CRAMP1: variants seen among roughly 807,000 people sequenced by gnomAD.
The protein encoded by CRAMP1 is protein cramped-like.
CRAMP1 carries 50 observed loss-of-function variants against 115.4 expected under a neutral mutation model. That is an observed-to-expected ratio of 0.43 (90% CI 0.35 to 0.55). The LOEUF (loss-of-function observed/expected upper bound fraction) is 0.55, where lower values mean the gene tolerates loss of function less well. Ranked by LOEUF, CRAMP1 falls within the 20% of genes least tolerant of loss-of-function variation. The pLI, the probability that CRAMP1 is intolerant of heterozygous loss-of-function variation, is 0.01. For missense variants in CRAMP1, 1,679 were observed against 1,721.7 expected (o/e 0.98, Z 0.44); for synonymous variants, 866 against 745.4 (o/e 1.16, Z -2.64).
At chr16:1,654,183 T>A (rs1411713969) in intron 8 of CRAMP1, among the ~76,000 whole-genome samples, 2 of 150,842 alleles carry the variant, frequency 1.3e-5, no homozygotes, top group Admixed American at 1.3e-4. Flanking sequence ...AATTCACATA[T>A]CATAAAATGA....
intron 10 of CRAMP1, among the ~76,000 whole-genome samples, chr16:1,658,379 G>A (rs1042048902): frequency 2.0e-5 from 3 of 152,202 alleles, no homozygotes; most frequent in Non-Finnish European, 2.9e-5. Context: ...GCTCATGGGA[G>A]GGGCTGAGGA....
rs749492493 is a variant in CRAMP1 at position 1,652,480 on chromosome 16, A to C, written c.828-16A>C. On this transcript the variant is annotated splice_polypyrimidine_tract_variant and intron_variant, in intron 6 of 20. Transcript: ENST00000397412. ...CACTCACAGGCCTCAGCGTTCCTTC[A>C]AAACTCTTTTCCCAGGGCCACCACT... 1.9e-6 allele frequency: 3 copies of C among 1,550,650 alleles called. No homozygotes were observed. The highest frequency in any genetic ancestry group is 4.9e-5 in the East Asian group (2 of 40,890).
At chr16:1,619,342 G>A (rs1475505218) in intron 2 of CRAMP1, among the ~76,000 whole-genome samples, 10 of 152,038 alleles carry the variant, frequency 6.6e-5, no homozygotes, top group Non-Finnish European at 1.5e-4. Context: ...TGCTACACCC[G>A]ACTAATTTTT....
chr16:1,634,073 A>G (rs1344309713), intron 4 of CRAMP1, among the ~76,000 whole-genome samples: 2 of 151,730 alleles, frequency 1.3e-5, no homozygotes, highest in African/African-American at 4.8e-5. Context: ...CAGATCTGCC[A>G]TCCACTGTGG....
intron 3 of CRAMP1, among the ~76,000 whole-genome samples, chr16:1,629,362 C>T (rs1276610230): frequency 6.6e-6 from 1 of 152,216 alleles, no homozygotes; most frequent in Non-Finnish European, 1.5e-5. Flanking sequence ...ATCTCTTCAC[C>T]CCAGACAGCT....
intron 3 of CRAMP1, among the ~76,000 whole-genome samples, chr16:1,627,674 TC>T (rs2036518280): frequency 6.6e-6 from 1 of 152,152 alleles, no homozygotes; most frequent in Non-Finnish European, 1.5e-5. Flanking sequence ...ATTCTGATTG[TC>T]CAAAGAGAAG....
In CRAMP1 at chr16:1,656,824, C is replaced by T. The variant is rs140496547; in HGVS notation, c.2067C>T (p.Ala689=). The change falls in exon 10 of 21, where the codon GCC becomes GCT. Residue 689 remains alanine, a synonymous_variant. Coordinates refer to ENST00000397412, the MANE Select transcript of CRAMP1 (RefSeq NM_020825.4). The surrounding 1 kb of genome is among the most constrained non-coding windows in gnomAD (Gnocchi z 5.6). ...AGACCTCCGAAAGCCTCACGCTGGC[C>T]GAAGTCTACCTCATGATGGGCAAGC... ...NLQTSESLTL[A]EVYLMMGKPS... is the part of the protein sequence containing the mutation. 725 of 1,549,960 alleles carry T rather than the reference C, an allele frequency of 4.7e-4. 4 individuals are homozygous for T. In the East Asian group the frequency reaches 0.013, roughly 29 times the overall value.
At chr16:1,655,773 G>T (rs1338147014) in intron 9 of CRAMP1, 104 bp from the exon 10 acceptor site, 3 of 1,299,060 alleles carry the variant, frequency 2.3e-6, no homozygotes, top group Non-Finnish European at 2.2e-6. Context: ...TTTATACCCT[G>T]GGGGATGCCA....
At position 1,625,916 on chromosome 16, in the gene CRAMP1, C is replaced by G. The variant is rs549592786; in HGVS notation, c.347-57C>G. ...CCCTTCCCTCCCACCGGCCCTCTAC[C>G]CTGCCCAGCCCGCCAGCTTTCTGGA... On this transcript the variant is annotated intron_variant, in intron 2 of 20. Coordinates refer to ENST00000397412, the MANE Select transcript of CRAMP1 (RefSeq NM_020825.4). 47 of 1,532,154 alleles carry G rather than the reference C, an allele frequency of 3.1e-5. No homozygotes were observed. The South Asian group carries it at 5.2e-4, about 17-fold the overall frequency. The allele number at this position is 1,532,154 out of a possible 1,614,324, so 94.9% of individuals were successfully genotyped here.
intron 10 of CRAMP1, among the ~76,000 whole-genome samples, chr16:1,659,369 TATTG>T (rs776484859): frequency 3.9e-5 from 6 of 152,048 alleles, no homozygotes; most frequent in Non-Finnish European, 5.9e-5. Context: ...CAGTGACTTT[TATTG>T]ATTGATTGAT....
intron 3 of CRAMP1, among the ~76,000 whole-genome samples, chr16:1,630,902 T>C (rs908076757): frequency 5.0e-4 from 76 of 152,336 alleles, no homozygotes; most frequent in African/African-American, 1.7e-3. Context: ...GCGCATCCAG[T>C]TGGCGGCCCG....
rs1024552072 is a variant in CRAMP1 at position 1,624,259 on chromosome 16, A to AC, written c.347-1708dup. 1.3e-4 allele frequency among the ~76,000 whole-genome samples: 19 copies of AC among 148,662 alleles called. No homozygotes were observed. The East Asian group carries it at 1.6e-3, about 12-fold the overall frequency. The stretch of plus-strand genomic sequence containing the variant: ...CCTCCACCTCCAAATTTGGAGACAG[A>AC]CCCCCCACCGGGTGAGGCACTGAGC... On this transcript the variant is annotated intron_variant, in intron 2 of 20. Transcript: ENST00000397412.
At chr16:1,625,777 G>A in intron 2 of CRAMP1, 196 bp from the exon 3 acceptor site, 1 of 524,040 alleles carries the variant, frequency 1.9e-6, no homozygotes. Flanking sequence ...AGGGTCATTT[G>A]GCCAGGTAAA....
At chr16:1,645,108 G>A (rs1162318259) in intron 6 of CRAMP1, among the ~76,000 whole-genome samples, 5 of 151,040 alleles carry the variant, frequency 3.3e-5, no homozygotes, top group African/African-American at 1.2e-4. Context: ...GTTTTAAGTT[G>A]ACAGAAAAAC....
rs939722852 is a variant in CRAMP1, at chr16:1,614,232, G to A, written c.-1-407G>A. ...AGGCCATGAGCCGCGGCCCCGCCGGGTAGGTGGCTGTGGGCGGGGCAGCGG... is the reference window on the plus strand; with the variant it reads ...AGGCCATGAGCCGCGGCCCCGCCGGATAGGTGGCTGTGGGCGGGGCAGCGG... On this transcript the variant is annotated intron_variant, in intron 1 of 20. Coordinates refer to ENST00000397412, the MANE Select transcript of CRAMP1 (RefSeq NM_020825.4). The surrounding 1 kb of genome is among the most constrained non-coding windows in gnomAD (Gnocchi z 4.4). 2.7e-5 allele frequency among the ~76,000 whole-genome samples: 4 copies of A among 147,454 alleles called. No individual in the cohort carries two copies. The highest frequency in any genetic ancestry group is 4.5e-5 in the Non-Finnish European group (3 of 66,138).
intron 6 of CRAMP1, among the ~76,000 whole-genome samples, chr16:1,641,763 C>A (rs1021150547): frequency 6.6e-6 from 1 of 152,170 alleles, no homozygotes; most frequent in Non-Finnish European, 1.5e-5. Context: ...GGCAGGGCCC[C>A]GCCACCCTAC....
intron 2 of CRAMP1, among the ~76,000 whole-genome samples, chr16:1,618,793 C>T (rs762049899): frequency 6.6e-6 from 1 of 152,018 alleles, no homozygotes; most frequent in Non-Finnish European, 1.5e-5. Context: ...TCACCTGAGG[C>T]TGCTGGTTGG....
intron 8 of CRAMP1, 126 bp from the exon 9 acceptor site, chr16:1,655,093 C>A (rs756227895): frequency 9.5e-4 from 724 of 758,138 alleles, no homozygotes; most frequent in Non-Finnish European, 1.5e-3. Context: ...CGCCCGCTCC[C>A]GGGTGCCTCT....
intron 5 of CRAMP1, among the ~76,000 whole-genome samples, chr16:1,639,566 C>T (rs577630959): frequency 3.9e-5 from 6 of 152,288 alleles, no homozygotes; most frequent in African/African-American, 1.4e-4. Context: ...TACAAAGTTA[C>T]ACTTCTTTGC....
Sources: gnomAD v4.1 joint callset for allele counts (sites outside exome capture counted in the v4.1 genomes callset) on GRCh38, gnomAD v4.1.1 for gene constraint, Gnocchi (gnomAD v3.1) non-coding constraint, MANE v1.5 for transcripts, NCBI Gene and HGNC (gene_info 2026-07-23, HGNC 2026-07-21) for gene names.